GLIS3: variants seen among roughly 807,000 people sequenced by gnomAD.
GLIS3 encodes the protein GLIS family zinc finger 3.
A neutral mutation model predicts 78.6 loss-of-function variants in GLIS3; 53 were observed. That is an observed-to-expected ratio of 0.67 (90% confidence interval 0.54 to 0.85). The LOEUF is 0.85. GLIS3 is among the 40% of genes least tolerant of loss of function. The pLI is 0.00. For missense variants in GLIS3, 1,703 were observed against 1,231.1 expected, an observed-to-expected ratio of 1.38 and a Z score of -5.74; for synonymous variants, 684 against 509.9, an observed-to-expected ratio of 1.34 and a Z score of -4.60.
At chr9:3,873,051 C>T (rs1033119830) in intron 8 of GLIS3, among the ~76,000 whole-genome samples, 2 of 151,984 alleles carry the variant, frequency 1.3e-5, no homozygotes, top group Non-Finnish European at 2.9e-5. Context: ...AAATAAAAAA[C>T]CTGAACAGAC....
chr9:4,266,041 C>A (rs1050124846), intron 2 of GLIS3, among the ~76,000 whole-genome samples: 1 of 152,068 alleles, frequency 6.6e-6, no homozygotes, highest in Non-Finnish European at 1.5e-5. Flanking sequence ...GCCTCAGCCT[C>A]CCGAGTAGCT....
the GLIS3 span, among the ~76,000 whole-genome samples, chr9:4,484,516 T>C: frequency 2.1e-5 from 3 of 141,136 alleles, no homozygotes; most frequent in Non-Finnish European, 4.5e-5. Flanking sequence ...CCTCTCGAGT[T>C]CAAGCAATTA....
intron 4 of GLIS3, among the ~76,000 whole-genome samples, chr9:4,048,011 G>A (rs1825396699): frequency 6.6e-6 from 1 of 152,160 alleles, no homozygotes; most frequent in African/African-American, 2.4e-5. Flanking sequence ...GTGTGGGCAA[G>A]ACTCAGGGCT....
chr9:4,127,401 C>G (rs1474522739), intron 2 of GLIS3, among the ~76,000 whole-genome samples: 1 of 151,988 alleles, frequency 6.6e-6, no homozygotes, highest in African/African-American at 2.4e-5. Flanking sequence ...GATACATAAA[C>G]CAGAACCTCT....
At chr9:3,897,181 C>A (rs1266325391) in intron 7 of GLIS3, among the ~76,000 whole-genome samples, 1 of 152,090 alleles carries the variant, frequency 6.6e-6, no homozygotes, top group African/African-American at 2.4e-5. Flanking sequence ...TTAAATACAG[C>A]CAGACTAGCC....
chr9:4,459,656 T>G, the GLIS3 span, among the ~76,000 whole-genome samples: 1 of 152,030 alleles, frequency 6.6e-6, no homozygotes, highest in East Asian at 1.9e-4. Context: ...TCCCAGCTAC[T>G]TGGGAGACTG....
At chr9:4,483,550 T>C in the GLIS3 span, among the ~76,000 whole-genome samples, 2 of 151,956 alleles carry the variant, frequency 1.3e-5, no homozygotes, top group Non-Finnish European at 2.9e-5. Context: ...AAACCCCATC[T>C]CTACTAAAAA....
chr9:4,117,724 C>G, intron 4 of GLIS3, 44 bp downstream of exon 4: 3 of 1,612,886 alleles, frequency 1.9e-6, no homozygotes, highest in East Asian at 2.2e-5. Context: ...GCAAAGCAAG[C>G]CGGGCCTTCA....
chr9:4,380,580 G>C, the GLIS3 span, among the ~76,000 whole-genome samples: 5 of 152,146 alleles, frequency 3.3e-5, no homozygotes, highest in African/African-American at 1.2e-4. Flanking sequence ...AGATTTCCGG[G>C]CCTCACACCA....
chr9:4,362,849 C>T, the GLIS3 span, among the ~76,000 whole-genome samples: 2 of 151,992 alleles, frequency 1.3e-5, no homozygotes, highest in African/African-American at 4.8e-5. Context: ...ATGGGGGAGG[C>T]ATTCAAAATG....
rs141668064 is a variant in GLIS3, at chr9:3,919,589, G to T, written c.1983+12771C>A. Among the ~76,000 whole-genome samples the T allele has an allele frequency of 8.0e-3, 1,208 of 150,064 alleles. 19 individuals carry two copies. The highest frequency in any genetic ancestry group is 0.028 in the African/African-American group (1,141 of 40,712). On this transcript the variant is annotated intron_variant, in intron 6 of 10. Coordinates refer to ENST00000381971, the MANE Select transcript of GLIS3 (RefSeq NM_001042413.2). ...TGTACAACAAACCCTCATGACACAA[G>T]TTTACCTATATAACAAACCTGCACA...
In GLIS3 at chr9:4,230,232, C is replaced by T. The variant is rs370398867; in HGVS notation, c.388+55806G>A. 1.2e-4 allele frequency among the ~76,000 whole-genome samples: 19 copies of T among 152,170 alleles called. No homozygotes were observed. In the South Asian group the frequency reaches 2.1e-3, roughly 17 times the overall value. ...GTAAGCGTCATCAGCCTTAAAGGCC[C>T]GATAAATCTCCACCAACTAAGAAAG... On this transcript the variant is annotated intron_variant, in intron 2 of 10. Transcript: ENST00000381971.
At chr9:4,016,902 G>T (rs1822488718) in intron 4 of GLIS3, among the ~76,000 whole-genome samples, 1 of 152,136 alleles carries the variant, frequency 6.6e-6, no homozygotes, top group Non-Finnish European at 1.5e-5. Flanking sequence ...ACAAGGAACT[G>T]CTGAGGTCTC....
intron 2 of GLIS3, among the ~76,000 whole-genome samples, chr9:4,168,178 TAC>T (rs371286709): frequency 2.0e-5 from 3 of 150,600 alleles, no homozygotes; most frequent in Non-Finnish European, 3.0e-5. Flanking sequence ...CTCTCTCTCT[TAC>T]ACACACACAC....
At chr9:3,931,691 T>G (rs760224354) in intron 6 of GLIS3, among the ~76,000 whole-genome samples, 2 of 152,192 alleles carry the variant, frequency 1.3e-5, no homozygotes, top group African/African-American at 4.8e-5. Context: ...CTTATGGAGT[T>G]AGGAGAGCAA....
upstream of GLIS3, among the ~76,000 whole-genome samples, chr9:4,302,856 G>A (rs184324317): frequency 6.6e-6 from 1 of 152,322 alleles, no homozygotes; most frequent in African/African-American, 2.4e-5. Context: ...ATAATTTCCT[G>A]CAATGTGACA....
intron 4 of GLIS3, among the ~76,000 whole-genome samples, chr9:3,953,449 T>C (rs926825434): frequency 2.6e-5 from 4 of 152,222 alleles, no homozygotes; most frequent in African/African-American, 7.2e-5. Flanking sequence ...CTGATGGATA[T>C]TGATATTTTG....
the GLIS3 span, among the ~76,000 whole-genome samples, chr9:4,361,611 A>G: frequency 2.0e-5 from 3 of 152,216 alleles, no homozygotes; most frequent in African/African-American, 7.2e-5. Context: ...CTGGAACAGA[A>G]TCTAAGTAGA....
At chr9:4,321,605 G>C (rs1817530443) in intron 2 of GLIS3, among the ~76,000 whole-genome samples, 1 of 78,748 alleles carries the variant, frequency 1.3e-5, no homozygotes, top group East Asian at 3.8e-4. Context: ...CCCCAGTATC[G>C]AGAGCATTAC....
Sources: gnomAD v4.1 joint callset for allele counts (sites outside exome capture counted in the v4.1 genomes callset) on GRCh38, gnomAD v4.1.1 for gene constraint, MANE v1.5 for transcripts, NCBI Gene and HGNC (gene_info 2026-07-23, HGNC 2026-07-21) for gene names.